Variants in KCNT2 observed in about 807,000 individuals in gnomAD.
KCNT2 encodes the protein potassium sodium-activated channel subfamily T member 2, also known as potassium channel subfamily T member 2.
Under a neutral mutation model 153.8 loss-of-function variants are expected in KCNT2, and 67 were observed. The observed-to-expected ratio is 0.44, with a 90% CI of 0.36 to 0.53. KCNT2 has a LOEUF of 0.53. KCNT2 is among the 20% of genes least tolerant of loss of function. KCNT2 has a pLI of 0.00. For missense variants in KCNT2, 975 were observed against 1,354.8 expected, an observed-to-expected ratio of 0.72 and a Z score of 4.40; for synonymous variants, 500 against 458.8, an observed-to-expected ratio of 1.09 and a Z score of -1.15.
intron 1 of KCNT2, among the ~76,000 whole-genome samples, chr1:196,511,116 AACACACACACACACACACACACAC>A (rs35177032): frequency 6.8e-6 from 1 of 146,468 alleles, no homozygotes; most frequent in East Asian, 2.0e-4. Flanking sequence ...AAACACACAC[AACACACACACACACACACACACAC>A]ACACACACAC....
At chr1:196,301,240 C>T (rs981045183) in intron 22 of KCNT2, among the ~76,000 whole-genome samples, 1 of 152,072 alleles carries the variant, frequency 6.6e-6, no homozygotes, top group Non-Finnish European at 1.5e-5. Context: ...CTATGTGTCC[C>T]CCCAAAATCA....
chr1:196,545,742 C>A (rs1199839401), intron 1 of KCNT2, among the ~76,000 whole-genome samples: 2 of 143,146 alleles, frequency 1.4e-5, no homozygotes, highest in African/African-American at 5.2e-5. Flanking sequence ...GCTCCAGCAA[C>A]TATTAATATA....
intron 16 of KCNT2, among the ~76,000 whole-genome samples, chr1:196,337,833 C>A (rs950603169): frequency 6.6e-6 from 1 of 152,058 alleles, no homozygotes; most frequent in Non-Finnish European, 1.5e-5. Flanking sequence ...TAACTTATAA[C>A]CCACTAGCAT....
chr1:196,324,274 T>G (rs1663627098), intron 19 of KCNT2, among the ~76,000 whole-genome samples: 1 of 152,014 alleles, frequency 6.6e-6, no homozygotes, highest in South Asian at 2.1e-4. Flanking sequence ...TTAAGATATA[T>G]TCTTGTTTTC....
Position 196,357,194 on chromosome 1 carries a change from C to A in KCNT2, c.1404-14966G>T, listed in dbSNP as rs1014753478. ...ATGACTTCAGATTTAAAGTAGAGAG[C>A]CTGTGAGCAGTGATTACATTATTAT... On this transcript the variant is annotated intron_variant, in intron 14 of 27. Transcript: ENST00000294725. 2.6e-5 allele frequency among the ~76,000 whole-genome samples: 4 copies of A among 151,792 alleles called. No homozygotes were observed. The Admixed American group carries it at 2.6e-4, about 10-fold the overall frequency.
chr1:196,263,288 A>G (rs1019005871), intron 25 of KCNT2, among the ~76,000 whole-genome samples: 1 of 152,096 alleles, frequency 6.6e-6, no homozygotes, highest in Non-Finnish European at 1.5e-5. Context: ...GATATATACC[A>G]TGGAATACTA....
At chr1:196,605,121 A>C (rs1665171362) in intron 1 of KCNT2, among the ~76,000 whole-genome samples, 1 of 152,244 alleles carries the variant, frequency 6.6e-6, no homozygotes, top group Non-Finnish European at 1.5e-5. Context: ...GGAACAAGGT[A>C]GAAAGTGTTT....
chr1:196,356,414 T>C (rs1667183188), intron 14 of KCNT2, among the ~76,000 whole-genome samples: 1 of 151,762 alleles, frequency 6.6e-6, no homozygotes, highest in Non-Finnish European at 1.5e-5. Context: ...ATGCATATGA[T>C]GATTATTTAT....
chr1:196,306,748 TA>T (rs970789910), intron 21 of KCNT2, among the ~76,000 whole-genome samples: 1 of 151,762 alleles, frequency 6.6e-6, no homozygotes, highest in Non-Finnish European at 1.5e-5. Flanking sequence ...TTTTTTTTTT[TA>T]GAGTTGTCTG....
At chr1:196,562,620 T>A (rs952079926) in intron 1 of KCNT2, among the ~76,000 whole-genome samples, 3 of 151,554 alleles carry the variant, frequency 2.0e-5, no homozygotes, top group Non-Finnish European at 4.4e-5. Flanking sequence ...TTGAGGGAAC[T>A]GGGGGAAAAA....
intron 16 of KCNT2, among the ~76,000 whole-genome samples, chr1:196,334,496 T>TTTTTTTTTTTTTTTTTTTTTTTTTTTA (rs1302327018): frequency 7.0e-6 from 1 of 142,862 alleles, no homozygotes; most frequent in Non-Finnish European, 1.5e-5. Context: ...TCTTTTTTTT[T>TTTTTTTTTTTTTTTTTTTTTTTTTTTA]TTTAAGACAG....
At chr1:196,532,511 C>T (rs1295186245) in intron 1 of KCNT2, among the ~76,000 whole-genome samples, 1 of 151,700 alleles carries the variant, frequency 6.6e-6, no homozygotes, top group African/African-American at 2.4e-5. Flanking sequence ...ACATATAATC[C>T]TTGAGATTAT....
rs935046652 is a variant in KCNT2, at chr1:196,226,455, G to T, written c.*1769C>A. 7 of 151,868 alleles carry T rather than the reference G, an allele frequency of 4.6e-5. No individual in the cohort carries two copies. Among genetic ancestry groups the T allele is most frequent in the Non-Finnish European group, 8.8e-5 (6 of 67,846 alleles). The allele number at this position is 151,868 out of a possible 1,614,324, so 9.4% of individuals were successfully genotyped here. On this transcript the variant is annotated 3_prime_UTR_variant, in exon 28 of 28. Coordinates refer to ENST00000294725, the MANE Select transcript of KCNT2 (RefSeq NM_198503.5). ...ACACATATATGCATACAATCTTTAAGTTTTAAGGCATGCTCCCAATTTTAG... is the reference window on the plus strand; with the variant it reads ...ACACATATATGCATACAATCTTTAATTTTTAAGGCATGCTCCCAATTTTAG...
intron 7 of KCNT2, 47 bp downstream of exon 7, chr1:196,467,656 A>G: frequency 8.1e-7 from 1 of 1,238,684 alleles, no homozygotes; most frequent in African/African-American, 1.5e-5. Flanking sequence ...GAAAATAAGA[A>G]ATGGTTTAAA....
At chr1:196,274,708 A>C (rs1290347385) in intron 25 of KCNT2, among the ~76,000 whole-genome samples, 1 of 151,862 alleles carries the variant, frequency 6.6e-6, no homozygotes, top group Non-Finnish European at 1.5e-5. Flanking sequence ...GCCAAAATTC[A>C]GGGTAACACA....
At position 196,273,519 on chromosome 1, in the gene KCNT2, C is replaced by A. The variant is rs576344609; in HGVS notation, c.2910+7341G>T. ...ACAACGGGAGGGAAAAAGAAACACA[C>A]AAAACACAGTTTAAACAATGACTAA... On this transcript the variant is annotated intron_variant, in intron 25 of 27. Transcript: ENST00000294725. The A allele has an allele frequency of 2.8e-5, 43 of 1,512,524 alleles. 1 individual carries two copies. In the African/African-American group the frequency reaches 4.3e-4, roughly 15 times the overall value. 93.7% of individuals were successfully genotyped at this position (1,512,524 alleles called of 1,614,324 possible).
intron 1 of KCNT2, among the ~76,000 whole-genome samples, chr1:196,516,782 G>T (rs148766419): frequency 1.3e-5 from 2 of 152,332 alleles, no homozygotes; most frequent in East Asian, 3.9e-4. Context: ...GAGATCTGCA[G>T]GCTGCCATCT....
intron 1 of KCNT2, among the ~76,000 whole-genome samples, chr1:196,601,287 T>A (rs1274545775): frequency 2.0e-5 from 3 of 152,220 alleles, no homozygotes; most frequent in African/African-American, 7.2e-5. Flanking sequence ...ACTAGGCTCA[T>A]CTTCAATCAT....
At chr1:196,306,608 T>C (rs1430267351) in intron 21 of KCNT2, among the ~76,000 whole-genome samples, 1 of 152,140 alleles carries the variant, frequency 6.6e-6, no homozygotes, top group Non-Finnish European at 1.5e-5. Context: ...AGGGCCTTTC[T>C]TAGCCTTCAG....
Sources: gnomAD v4.1 joint callset for allele counts (sites outside exome capture counted in the v4.1 genomes callset) on GRCh38, gnomAD v4.1.1 for gene constraint, MANE v1.5 for transcripts, NCBI Gene and HGNC (gene_info 2026-07-23, HGNC 2026-07-21) for gene names.